ARHGEF28: variants seen among roughly 807,000 people sequenced by gnomAD.
The protein encoded by ARHGEF28 is 190 kDa guanine nucleotide exchange factor.
ARHGEF28 carries 152 observed loss-of-function variants against 206.6 expected under a neutral mutation model. That is an observed-to-expected ratio of 0.74 (90% CI 0.64 to 0.84). ARHGEF28 has a LOEUF of 0.84. Ranked by LOEUF, ARHGEF28 falls within the 40% of genes least tolerant of loss-of-function variation. The probability of loss-of-function intolerance (pLI) is 0.00; values close to 1 mark genes in which losing one functional copy is unlikely to be tolerated. For synonymous variants in ARHGEF28, 763 were observed against 776.4 expected, an observed-to-expected ratio of 0.98 and a Z score of 0.29; for missense variants, 2,028 against 2,073.2, an observed-to-expected ratio of 0.98 and a Z score of 0.42.
At chr5:73,852,071 C>T (rs1758736415) in intron 13 of ARHGEF28, among the ~76,000 whole-genome samples, 1 of 152,128 alleles carries the variant, frequency 6.6e-6, no homozygotes, top group African/African-American at 2.4e-5. Flanking sequence ...AAGATGGCTC[C>T]AAGCTGCTTG....
At chr5:73,797,021 A>G (rs996344892) in intron 9 of ARHGEF28, among the ~76,000 whole-genome samples, 11 of 152,240 alleles carry the variant, frequency 7.2e-5, no homozygotes, top group Admixed American at 6.5e-4. Context: ...TCTAGTTTCA[A>G]ACTTGTAAAC....
At chr5:73,729,888 A>T (rs971615646) in intron 2 of ARHGEF28, among the ~76,000 whole-genome samples, 20 of 152,228 alleles carry the variant, frequency 1.3e-4, no homozygotes, top group African/African-American at 4.3e-4. Context: ...AGCAAGGAGT[A>T]GATAGTAGAT....
chr5:73,744,397 C>A (rs1000658836), intron 2 of ARHGEF28, among the ~76,000 whole-genome samples: 2 of 152,066 alleles, frequency 1.3e-5, no homozygotes, highest in African/African-American at 4.8e-5. Context: ...CTCTGGGATC[C>A]TGAGCTAGTT....
chr5:73,746,057 G>A (rs1751700151), intron 2 of ARHGEF28, among the ~76,000 whole-genome samples: 2 of 152,076 alleles, frequency 1.3e-5, no homozygotes, highest in African/African-American at 4.8e-5. Context: ...GATAGTTTTG[G>A]CAAGGTTGGG....
intron 35 of ARHGEF28, among the ~76,000 whole-genome samples, chr5:73,913,404 C>T (rs994106539): frequency 1.3e-5 from 2 of 152,046 alleles, no homozygotes; most frequent in Non-Finnish European, 2.9e-5. Flanking sequence ...AGAGAATAGG[C>T]GGTGATAAGA....
At chr5:73,785,234 G>T (rs1408316549) in intron 7 of ARHGEF28, among the ~76,000 whole-genome samples, 1 of 152,148 alleles carries the variant, frequency 6.6e-6, no homozygotes, top group African/African-American at 2.4e-5. Flanking sequence ...AATGTTTTGT[G>T]GGCTCTAGTA....
chr5:73,894,941 C>T (rs145855346), intron 29 of ARHGEF28, among the ~76,000 whole-genome samples: 36 of 151,612 alleles, frequency 2.4e-4, no homozygotes, highest in African/African-American at 6.3e-4. Context: ...AGGGAATGGC[C>T]GGCACAAAGG....
At chr5:73,887,419 C>T in intron 25 of ARHGEF28, 184 bp from the exon 26 acceptor site, 1 of 446,194 alleles carries the variant, frequency 2.2e-6, no homozygotes, top group Non-Finnish European at 3.9e-6. Flanking sequence ...CAGCCACACA[C>T]AAACATGCAC....
intron 9 of ARHGEF28, among the ~76,000 whole-genome samples, chr5:73,811,025 C>T (rs1244878409): frequency 6.6e-6 from 1 of 152,142 alleles, no homozygotes; most frequent in Non-Finnish European, 1.5e-5. Flanking sequence ...GCTACAAAAC[C>T]CACTCCTACC....
intron 2 of ARHGEF28, among the ~76,000 whole-genome samples, chr5:73,718,023 C>A (rs1749696556): frequency 6.6e-6 from 1 of 152,074 alleles, no homozygotes; most frequent in African/African-American, 2.4e-5. Flanking sequence ...GGATTATAGG[C>A]ACGCACCACC....
intron 2 of ARHGEF28, among the ~76,000 whole-genome samples, chr5:73,744,421 A>G (rs745780252): frequency 1.3e-5 from 2 of 152,186 alleles, no homozygotes; most frequent in Middle Eastern, 3.4e-3. Flanking sequence ...AGTAGTACCT[A>G]TAGTTGTATT....
At chr5:73,653,157 G>A (rs1285737529) in intron 1 of ARHGEF28, among the ~76,000 whole-genome samples, 1 of 152,150 alleles carries the variant, frequency 6.6e-6, no homozygotes, top group Non-Finnish European at 1.5e-5. Context: ...GAGGGGCCCT[G>A]CTCCAAGTGT....
chr5:73,911,892 C>T (rs143169443), intron 35 of ARHGEF28, among the ~76,000 whole-genome samples: 1,733 of 152,244 alleles, frequency 0.011, 18 homozygotes, highest in Middle Eastern at 0.037. Flanking sequence ...GATATTTACT[C>T]CCCACTATTG....
rs577945312 is a variant in ARHGEF28, at chr5:73,734,708, G to T, written c.34-15129G>T. ...TGATCTTCTAAACAGATGGTAAGTA[G>T]CATCCAGTTCCAGAAGAATGCAAGA... On this transcript the variant is annotated intron_variant, in intron 2 of 35. Coordinates refer to ENST00000513042, the MANE Select transcript of ARHGEF28 (RefSeq NM_001177693.2). Among the ~76,000 whole-genome samples the T allele has an allele frequency of 4.6e-5, 7 of 152,296 alleles. No homozygotes were observed. In the East Asian group the frequency reaches 9.7e-4, roughly 21 times the overall value.
At chr5:73,820,483 C>T (rs1426275588) in intron 9 of ARHGEF28, among the ~76,000 whole-genome samples, 1 of 152,080 alleles carries the variant, frequency 6.6e-6, no homozygotes. Flanking sequence ...CTGGCCTAGG[C>T]TCTTCCCTGA....
chr5:73,829,251 T>C (rs1487547356), intron 9 of ARHGEF28, among the ~76,000 whole-genome samples: 1 of 152,262 alleles, frequency 6.6e-6, no homozygotes, highest in African/African-American at 2.4e-5. Flanking sequence ...TTCTGTTGAT[T>C]GAAGGAGAAA....
chr5:73,882,634 C>T lies in ARHGEF28; in HGVS notation c.2937+40C>T, dbSNP rs758482525. 4.9e-6 allele frequency: 7 copies of T among 1,414,156 alleles called. No homozygotes were observed. In the South Asian group the frequency reaches 8.6e-5, roughly 17 times the overall value. The allele number at this position is 1,414,156 out of a possible 1,614,324, so 87.6% of individuals were successfully genotyped here. On this transcript the variant is annotated intron_variant, in intron 23 of 35. Coordinates refer to ENST00000513042, the MANE Select transcript of ARHGEF28 (RefSeq NM_001177693.2). ...ACTTTATTACAAAGTGATAAATCAG[C>T]ATGGAGAAATAGTTTATGCTTGTTT...
chr5:73,744,863 A>T (rs1751637490), intron 2 of ARHGEF28, among the ~76,000 whole-genome samples: 1 of 152,176 alleles, frequency 6.6e-6, no homozygotes, highest in East Asian at 1.9e-4. Context: ...GCTAGAGTTC[A>T]TAAACTTTTT....
intron 35 of ARHGEF28, among the ~76,000 whole-genome samples, chr5:73,939,233 G>C (rs1474803483): frequency 6.6e-6 from 1 of 152,138 alleles, no homozygotes; most frequent in Non-Finnish European, 1.5e-5. Context: ...GTGGGTTTTA[G>C]CATTTTGAGA....
Sources: gnomAD v4.1 joint callset for allele counts (sites outside exome capture counted in the v4.1 genomes callset) on GRCh38, gnomAD v4.1.1 for gene constraint, MANE v1.5 for transcripts, NCBI Gene and HGNC (gene_info 2026-07-23, HGNC 2026-07-21) for gene names.